Variants in OPCML observed in about 807,000 individuals in gnomAD.
OPCML encodes opioid-binding protein/cell adhesion molecule.
A neutral mutation model predicts 37.8 loss-of-function variants in OPCML; 13 were observed. The ratio of observed to expected loss-of-function variants is 0.34; its 90% CI spans 0.22 to 0.55. OPCML has a LOEUF of 0.55. Among genes scored for constraint, OPCML ranks in the 20% least tolerant of loss-of-function variants. OPCML has a pLI of 0.91. For synonymous variants in OPCML, 176 were observed against 168.8 expected (o/e 1.04, Z -0.33); for missense variants, 341 against 435.6 (o/e 0.78, Z 1.93).
At chr11:133,530,276 C>T (rs375284455) in intron 1 of OPCML, among the ~76,000 whole-genome samples, 1 of 152,246 alleles carries the variant, frequency 6.6e-6, no homozygotes, top group Admixed American at 6.5e-5. Context: ...AGGTCTCACC[C>T]TGGCTCCTGG....
At chr11:133,400,311 G>A (rs1945374913) in intron 1 of OPCML, among the ~76,000 whole-genome samples, 2 of 152,122 alleles carry the variant, frequency 1.3e-5, no homozygotes, top group African/African-American at 4.8e-5. Context: ...CCTGACCAAC[G>A]GGCATCCCCA....
At chr11:133,504,865 T>C (rs570413241) in intron 1 of OPCML, among the ~76,000 whole-genome samples, 32 of 152,340 alleles carry the variant, frequency 2.1e-4, no homozygotes, top group African/African-American at 7.7e-4. Context: ...TTATAAGTGA[T>C]TGTGTTAAAA....
At chr11:133,082,802 C>G (rs1948754187) in intron 1 of OPCML, among the ~76,000 whole-genome samples, 1 of 148,362 alleles carries the variant, frequency 6.7e-6, no homozygotes, top group Admixed American at 6.7e-5. Flanking sequence ...GGCCTCCTCG[C>G]GGCCCGGGCG....
chr11:132,962,048 C>A (rs1946103206), intron 1 of OPCML, among the ~76,000 whole-genome samples: 1 of 152,256 alleles, frequency 6.6e-6, no homozygotes, highest in Non-Finnish European at 1.5e-5. Flanking sequence ...TGCTACTGCA[C>A]TGAGGTCTTT....
At chr11:133,360,247 T>C (rs1944383608) in intron 1 of OPCML, 1 of 152,270 alleles carries the variant, frequency 6.6e-6, no homozygotes, top group African/African-American at 2.4e-5. Flanking sequence ...ATTTTATCTA[T>C]GGCCAACTCC....
At chr11:133,172,392 G>T (rs1371556241) in intron 1 of OPCML, among the ~76,000 whole-genome samples, 1 of 152,180 alleles carries the variant, frequency 6.6e-6, no homozygotes, top group East Asian at 1.9e-4. Context: ...AAGCTTCTTG[G>T]AAGAAGTGAC....
intron 1 of OPCML, among the ~76,000 whole-genome samples, chr11:132,989,600 A>G (rs1946737855): frequency 8.2e-6 from 1 of 121,874 alleles, no homozygotes. Flanking sequence ...AAGGTCCTAG[A>G]GCGTGTGTGT....
At chr11:133,098,189 C>T (rs2137066295) in intron 1 of OPCML, among the ~76,000 whole-genome samples, 1 of 151,960 alleles carries the variant, frequency 6.6e-6, no homozygotes, top group African/African-American at 2.4e-5. Flanking sequence ...TGGGATTTAT[C>T]CCAGGTATGC....
At chr11:132,459,126 G>A (rs2096092156) in intron 4 of OPCML, among the ~76,000 whole-genome samples, 1 of 152,148 alleles carries the variant, frequency 6.6e-6, no homozygotes, top group Non-Finnish European at 1.5e-5. Context: ...CAGAGGGAGA[G>A]TTTGCTCTTT....
At chr11:133,269,988 G>C (rs748567320) in intron 1 of OPCML, among the ~76,000 whole-genome samples, 1 of 152,106 alleles carries the variant, frequency 6.6e-6, no homozygotes, top group Non-Finnish European at 1.5e-5. Context: ...CAAAATACAA[G>C]AAGGCTTAAA....
At chr11:132,562,184 C>G (rs1477702455) in intron 3 of OPCML, among the ~76,000 whole-genome samples, 2 of 152,024 alleles carry the variant, frequency 1.3e-5, no homozygotes, top group African/African-American at 4.8e-5. Flanking sequence ...ACAGGTCCCG[C>G]CAAATTAAAG....
chr11:133,364,733 C>A (rs1346605896), intron 1 of OPCML, among the ~76,000 whole-genome samples: 1 of 152,116 alleles, frequency 6.6e-6, no homozygotes, highest in African/African-American at 2.4e-5. Flanking sequence ...TCTCCCAATT[C>A]TTAGAATACT....
chr11:133,247,285 A>G (rs1940958576), intron 1 of OPCML, among the ~76,000 whole-genome samples: 1 of 152,190 alleles, frequency 6.6e-6, no homozygotes. Flanking sequence ...AGGAGAAATA[A>G]GGGTGCTACA....
intron 4 of OPCML, among the ~76,000 whole-genome samples, chr11:132,454,156 A>G (rs947132543): frequency 6.6e-6 from 1 of 152,240 alleles, no homozygotes; most frequent in South Asian, 2.1e-4. Context: ...CTATTGCATC[A>G]AATCCTGCAA....
At chr11:133,404,846 TTAGTC>T (rs1395318832) in intron 1 of OPCML, among the ~76,000 whole-genome samples, 3 of 152,200 alleles carry the variant, frequency 2.0e-5, no homozygotes, top group South Asian at 2.1e-4. Flanking sequence ...TTGATGAAGT[TTAGTC>T]TAGAGCAGAA....
chr11:133,279,546 G>T (rs1942083108), intron 1 of OPCML, among the ~76,000 whole-genome samples: 1 of 152,072 alleles, frequency 6.6e-6, no homozygotes, highest in Non-Finnish European at 1.5e-5. Context: ...GTTCCCCTCT[G>T]CCAGAGTTCC....
In OPCML at chr11:133,279,788, T is replaced by TA. The variant is rs989037944; in HGVS notation, c.61+252475dup. Among the ~76,000 whole-genome samples, 58 of 152,040 alleles carry TA rather than the reference T, an allele frequency of 3.8e-4. 2 individuals are homozygous for TA. Among genetic ancestry groups the TA allele is most frequent in the South Asian group, 3.1e-3 (15 of 4,796 alleles). On this transcript the variant is annotated intron_variant, in intron 1 of 7. Coordinates refer to ENST00000524381, the MANE Select transcript of OPCML (RefSeq NM_001012393.5). ...TATTTCCCTTTCTTAAGCAGAGAAA[T>TA]AAAAAAAACTCTACCCATAAAGAAT...
At chr11:133,377,921 A>C (rs566499197) in intron 1 of OPCML, among the ~76,000 whole-genome samples, 2 of 152,324 alleles carry the variant, frequency 1.3e-5, no homozygotes, top group South Asian at 4.1e-4. Context: ...TTGGAATGAC[A>C]GGCAGTTCCT....
At chr11:132,768,320 C>T (rs1009602020) in intron 2 of OPCML, among the ~76,000 whole-genome samples, 2 of 152,162 alleles carry the variant, frequency 1.3e-5, no homozygotes, top group Non-Finnish European at 2.9e-5. Context: ...ATGGCTTGCC[C>T]CCATTCCGTC....
Sources: allele counts gnomAD v4.1 joint callset (sites outside exome capture counted in the v4.1 genomes callset), GRCh38; gene constraint gnomAD v4.1.1; transcripts MANE v1.5; gene names NCBI Gene and HGNC (gene_info 2026-07-23, HGNC 2026-07-21).